Variants in ECE2 observed in about 807,000 individuals in gnomAD.
The protein encoded by ECE2 is endothelin-converting enzyme 2.
In ECE2, 81 loss-of-function variants were observed where a neutral mutation model predicts 100.6. That is an observed-to-expected ratio of 0.81 (90% CI 0.67 to 0.97). The LOEUF is 0.97. Among genes scored for constraint, ECE2 ranks in the 50% least tolerant of loss-of-function variants. The pLI is 0.00. For missense variants in ECE2, 911 were observed against 988.1 expected (o/e 0.92, Z 1.05); for synonymous variants, 391 against 391.5 (o/e 1.00, Z 0.02).
rs1721200478 is a variant in ECE2, at chr3:184,289,328, G to A, written c.1375-109G>A. On this transcript the variant is annotated intron_variant, in intron 11 of 18. Coordinates refer to ENST00000404464, the MANE Select transcript of ECE2 (RefSeq NM_001100121.2). The surrounding 1 kb of genome is among the most constrained non-coding windows in gnomAD (Gnocchi z 4.1). ...TGCTCAGCCGTATTTCTTTAGTCTA[G>A]ACGTTCCCATTTCCCCTGGGTGGAC... The A allele has an allele frequency of 1.0e-6, 1 of 961,910 alleles. No homozygotes were observed. Among genetic ancestry groups the A allele is most frequent in the Admixed American group, 2.0e-5 (1 of 49,116 alleles). The allele number at this position is 961,910 out of a possible 1,614,324, so 59.6% of individuals were successfully genotyped here. A position where few individuals can be genotyped will look rare whatever the true frequency, so the allele number is the denominator to read the frequency against.
rs1311790765 is a variant in ECE2, at chr3:184,278,012, A to G, written c.566A>G (p.Glu189Gly). 6.2e-7 allele frequency: 1 copy of G among 1,614,102 alleles called. No individual in the cohort carries two copies. Among genetic ancestry groups the G allele is most frequent in the Non-Finnish European group, 8.5e-7 (1 of 1,180,032 alleles). Residue 189 changes from glutamate to glycine, a missense_variant, in exon 5 of 19, where the codon GAG becomes GGG. Coordinates refer to ENST00000404464, the MANE Select transcript of ECE2 (RefSeq NM_001100121.2). ...LSCLQVERIE[E>G]LGAQPLRDLI... ...TGCCTACAGGTGGAGCGCATTGAGGAGCTGGGAGCCCAGCCACTGAGAGAC... is the reference window on the plus strand; with the variant it reads ...TGCCTACAGGTGGAGCGCATTGAGGGGCTGGGAGCCCAGCCACTGAGAGAC...
rs1479808051 is a variant in ECE2, at chr3:184,276,051, C to G, written c.-103C>G. Reference sequence around the variant, plus strand: ...CCGAGCGGGGGTGCTGCGCGGCGGCCGTGATGGCTGGTGACGGCGGGGCCG... The same window carrying G: ...CCGAGCGGGGGTGCTGCGCGGCGGCGGTGATGGCTGGTGACGGCGGGGCCG... On this transcript the variant is annotated 5_prime_UTR_variant, in exon 1 of 19. Coordinates refer to ENST00000404464, the MANE Select transcript of ECE2 (RefSeq NM_001100121.2). 1.3e-5 allele frequency: 15 copies of G among 1,165,956 alleles called. No homozygotes were observed. Among genetic ancestry groups the G allele is most frequent in the Non-Finnish European group, 1.6e-5 (15 of 944,842 alleles). 72.2% of individuals were successfully genotyped at this position (1,165,956 alleles called of 1,614,324 possible).
intron 7 of ECE2, among the ~76,000 whole-genome samples, chr3:184,279,135 C>A (rs1720705162): frequency 6.6e-6 from 1 of 150,926 alleles, no homozygotes; most frequent in African/African-American, 2.4e-5. Context: ...CAAGGTGAAA[C>A]CCCATCTCTA....
rs767844734 is a variant in ECE2 at position 184,276,204 on chromosome 3, C to G, written c.39+12C>G. ...GAGCTGGCAGCAACGTGAGTGGGGG[C>G]CCCGGGCTCCACGGGAGGGGACTGG... On this transcript the variant is annotated intron_variant, in intron 1 of 18. Transcript: ENST00000404464. 3.5e-6 allele frequency: 5 copies of G among 1,442,948 alleles called. No homozygotes were observed. The South Asian group carries it at 5.6e-5, about 16-fold the overall frequency. The allele number at this position is 1,442,948 out of a possible 1,614,324, so 89.4% of individuals were successfully genotyped here.
Position 184,278,201 on chromosome 3 carries a change from A to C in ECE2, c.638A>C (p.Gln213Pro). Residue 213 changes from glutamine to proline, a missense_variant, in exon 6 of 19, where the codon CAG becomes CCG. Gln to Pro is a moderately conservative substitution (Grantham distance 76). Transcript: ENST00000404464. ...TGGAACATTACGGGGCCCTGGGACC[A>C]GGACAACTTTATGGAGGTGTTGAAG... ...GGWNITGPWD[Q>P]DNFMEVLKAV... 1 of 1,614,196 alleles carries C rather than the reference A, an allele frequency of 6.2e-7. No homozygotes were observed. Among genetic ancestry groups the C allele is most frequent in the Non-Finnish European group, 8.5e-7 (1 of 1,180,030 alleles).
In ECE2 at chr3:184,291,856, G is replaced by A. The variant is rs1017545783; in HGVS notation, c.2122-206G>A. Reference sequence around the variant, plus strand: ...AAGGACCCAGGCAGAGCCTCCGCTGGGCAGCCACAGCAGGCAGCTTCTGGG... The same window carrying A: ...AAGGACCCAGGCAGAGCCTCCGCTGAGCAGCCACAGCAGGCAGCTTCTGGG... On this transcript the variant is annotated intron_variant, in intron 18 of 18. Coordinates refer to ENST00000404464, the MANE Select transcript of ECE2 (RefSeq NM_001100121.2). This position sits in a 1 kb window ranked among gnomAD's most constrained non-coding sequence, Gnocchi z 4.1. 4 of 598,696 alleles carry A rather than the reference G, an allele frequency of 6.7e-6. No homozygotes were observed. Among genetic ancestry groups the A allele is most frequent in the Non-Finnish European group, 1.2e-5 (4 of 345,508 alleles). The allele number at this position is 598,696 out of a possible 1,614,324, so 37.1% of individuals were successfully genotyped here.
At position 184,277,271 on chromosome 3, in the gene ECE2, C is replaced by G. The variant is rs769398644; in HGVS notation, c.283C>G (p.Leu95Val). ...CACAGACCCATCCCACAGCACCTGC[C>G]TTACAGAGGCCTGCATTCGAGTGGC... ...YHRDPSHSTC[L>V]TEACIRVAGK... The change falls in exon 4 of 19, where the codon CTT becomes GTT. Residue 95 changes from leucine to valine, a missense_variant. Leu to Val is a conservative substitution (Grantham distance 32). Transcript: ENST00000404464. 10 of 1,614,144 alleles carry G rather than the reference C, an allele frequency of 6.2e-6. No homozygotes were observed. The African/African-American group carries it at 1.3e-4, about 22-fold the overall frequency.
At chr3:184,282,909 G>A (rs952036523) in intron 7 of ECE2, among the ~76,000 whole-genome samples, 1 of 152,178 alleles carries the variant, frequency 6.6e-6, no homozygotes, top group Non-Finnish European at 1.5e-5. Flanking sequence ...TCTTCTCCAT[G>A]CTTTTCTCTC....
Position 184,277,920 on chromosome 3 carries a change from C to T in ECE2, c.479-5C>T, listed in dbSNP as rs1230637203. ...GCCACCTGGATCCTGTGTTCTGCCC[C>T]ACAGAAAACACCACCTTCAACTCCA... On this transcript the variant is annotated splice_polypyrimidine_tract_variant and splice_region_variant and intron_variant, in intron 4 of 18. Coordinates refer to ENST00000404464, the MANE Select transcript of ECE2 (RefSeq NM_001100121.2). The T allele has an allele frequency of 3.1e-6, 5 of 1,611,316 alleles. No homozygotes were observed. The highest frequency in any genetic ancestry group is 4.2e-6 in the Non-Finnish European group (5 of 1,179,924).
chr3:184,289,513 C>T lies in ECE2; in HGVS notation c.1451C>T (p.Thr484Ile). The change falls in exon 12 of 19, where the codon ACC becomes ATC. Residue 484 changes from threonine (T) to isoleucine (I), a missense_variant. Transcript: ENST00000404464. The surrounding 1 kb of genome is among the most constrained non-coding windows in gnomAD (Gnocchi z 4.1). ...CAGCTGGTTTGGATGGATGAGAAGA[C>T]CCGCCAGGCAGCCAAGGAGAAAGTG... ...LGQLVWMDEK[T>I]RQAAKEKADA... 6.2e-7 allele frequency: 1 copy of T among 1,612,826 alleles called. No individual in the cohort carries two copies. The highest frequency in any genetic ancestry group is 1.3e-5 in the African/African-American group (1 of 74,992).
At chr3:184,283,514 A>T (rs1720891009) in intron 7 of ECE2, among the ~76,000 whole-genome samples, 1 of 134,344 alleles carries the variant, frequency 7.4e-6, no homozygotes, top group Non-Finnish European at 1.5e-5. Context: ...GTGAGCCAAG[A>T]TCGCGCCACT....
At position 184,289,640 on chromosome 3, in the gene ECE2, G is replaced by C; in HGVS notation, c.1474-1G>C. The stretch of plus-strand genomic sequence containing the variant: ...ACAAACCCTTAACCTGGTCTCTTCA[G>C]GCAGATGCCATCTATGATATGATTG... On this transcript the variant is annotated splice_acceptor_variant, in intron 12 of 18. Coordinates refer to ENST00000404464, the MANE Select transcript of ECE2 (RefSeq NM_001100121.2). LOFTEE classifies it high-confidence loss of function. The surrounding 1 kb of genome is among the most constrained non-coding windows in gnomAD (Gnocchi z 4.1). The C allele has an allele frequency of 6.2e-7, 1 of 1,613,714 alleles. No homozygotes were observed. The highest frequency in any genetic ancestry group is 8.5e-7 in the Non-Finnish European group (1 of 1,179,770).
At chr3:184,277,515 C>T (rs1421989155) in intron 4 of ECE2, 49 bp downstream of exon 4, 1 of 1,584,248 alleles carries the variant, frequency 6.3e-7, no homozygotes, top group South Asian at 1.1e-5. Context: ...TGCCTTGTGC[C>T]CAGCACAGGG....
chr3:184,279,072 G>A (rs1404665890), intron 7 of ECE2, among the ~76,000 whole-genome samples: 1 of 152,156 alleles, frequency 6.6e-6, no homozygotes, highest in South Asian at 2.1e-4. Flanking sequence ...CACTTTGGGA[G>A]GCCGAGGTGG....
At position 184,288,326 on chromosome 3, in the gene ECE2, A is replaced by G. The variant is rs61475001; in HGVS notation, c.1374+379A>G. Among the ~76,000 whole-genome samples, 310 of 151,260 alleles carry G rather than the reference A, an allele frequency of 2.0e-3. 2 individuals carry two copies. The highest frequency in any genetic ancestry group is 7.1e-3 in the African/African-American group (292 of 41,218). The stretch of plus-strand genomic sequence containing the variant: ...CTCTGTCTCAAAAAAAAAAAAAAAA[A>G]AAAAAGAAAAGAAAAGAAAAACAAC... On this transcript the variant is annotated intron_variant, in intron 11 of 18. Transcript: ENST00000404464.
chr3:184,289,355 G>A lies in ECE2; in HGVS notation c.1375-82G>A. Reference sequence around the variant, plus strand: ...CGTTCCCATTTCCCCTGGGTGGACAGGGATGGGGCACCAAGGGTGGATGGG... The same window carrying A: ...CGTTCCCATTTCCCCTGGGTGGACAAGGATGGGGCACCAAGGGTGGATGGG... On this transcript the variant is annotated intron_variant, in intron 11 of 18. Coordinates refer to ENST00000404464, the MANE Select transcript of ECE2 (RefSeq NM_001100121.2). This position sits in a 1 kb window ranked among gnomAD's most constrained non-coding sequence, Gnocchi z 4.1. 4.6e-6 allele frequency: 6 copies of A among 1,312,240 alleles called. No homozygotes were observed. The South Asian group carries it at 6.3e-5, about 14-fold the overall frequency. The allele number at this position is 1,312,240 out of a possible 1,614,324, so 81.3% of individuals were successfully genotyped here. A position where few individuals can be genotyped will look rare whatever the true frequency, so the allele number is the denominator to read the frequency against.
In ECE2 at chr3:184,290,373, G is replaced by T; in HGVS notation, c.1655+15G>T. 6.2e-7 allele frequency: 1 copy of T among 1,612,100 alleles called. No individual in the cohort carries two copies. The highest frequency in any genetic ancestry group is 1.1e-5 in the South Asian group (1 of 91,020). ...AGCCGAGACCAGTGAGAATGACGGG[G>T]TGGACATAGACACTAGGGGTGGCAG... On this transcript the variant is annotated intron_variant, in intron 14 of 18. Coordinates refer to ENST00000404464, the MANE Select transcript of ECE2 (RefSeq NM_001100121.2).
chr3:184,290,171 GATACTA>G, intron 13 of ECE2, 78 bp from the exon 14 acceptor site: 1 of 1,081,132 alleles, frequency 9.2e-7, no homozygotes, highest in Non-Finnish European at 1.4e-6. Flanking sequence ...GGTTTGGAGA[GATACTA>G]ATGAGTAGCC....
chr3:184,290,421 G>C lies in ECE2; in HGVS notation c.1655+63G>C, dbSNP rs575003652. On this transcript the variant is annotated intron_variant, in intron 14 of 18. Coordinates refer to ENST00000404464, the MANE Select transcript of ECE2 (RefSeq NM_001100121.2). The stretch of plus-strand genomic sequence containing the variant: ...CAGGAGAGGTGGGGGAAGGTTCCTG[G>C]GATGGGGGAAAAGGGTGGCAAGACT... 7.7e-4 allele frequency: 1,218 copies of C among 1,581,590 alleles called. 1 individual carries two copies. The highest frequency in any genetic ancestry group is 9.9e-4 in the Non-Finnish European group (1,141 of 1,151,852).
Sources: allele counts gnomAD v4.1 joint callset (sites outside exome capture counted in the v4.1 genomes callset), GRCh38; gene constraint gnomAD v4.1.1; non-coding constraint Gnocchi (gnomAD v3.1); transcripts MANE v1.5; gene names NCBI Gene and HGNC (gene_info 2026-07-23, HGNC 2026-07-21).